TGM6: variants seen among roughly 807,000 people sequenced by gnomAD.
TGM6 encodes protein-glutamine gamma-glutamyltransferase 6.
Under a neutral mutation model 77.5 loss-of-function variants are expected in TGM6, and 74 were observed. That is an observed-to-expected ratio of 0.96 (90% CI 0.79 to 1.16). TGM6 has a LOEUF of 1.16. Ranked by LOEUF, TGM6 falls within the 50% of genes most tolerant of loss-of-function variation. TGM6 has a pLI of 0.00. For missense variants in TGM6, 968 were observed against 940.2 expected (o/e 1.03, Z -0.39); for synonymous variants, 383 against 378.9 (o/e 1.01, Z -0.12).
intron 12 of TGM6, 102 bp from the exon 13 acceptor site, chr20:2,432,388 T>G: frequency 6.9e-7 from 1 of 1,455,422 alleles, no homozygotes; most frequent in Non-Finnish European, 9.6e-7. Flanking sequence ...AGCCACAAGG[T>G]GAACTTGATC....
chr20:2,417,676 A>ATGTCCCCTTCCTTCCTG, intron 10 of TGM6, 103 bp downstream of exon 10: 1 of 1,295,414 alleles, frequency 7.7e-7, no homozygotes, highest in Non-Finnish European at 1.1e-6. Context: ...ATCCCCAGGA[A>ATGTCCCCTTCCTTCCTG]GGAAGGGGAC....
chr20:2,416,505 T>G (rs959913811), intron 9 of TGM6, among the ~76,000 whole-genome samples: 1 of 152,234 alleles, frequency 6.6e-6, no homozygotes, highest in African/African-American at 2.4e-5. Context: ...TGTAATCATA[T>G]TTATACTCAG....
At chr20:2,420,070 C>A (rs904017102) in intron 10 of TGM6, among the ~76,000 whole-genome samples, 4 of 152,050 alleles carry the variant, frequency 2.6e-5, no homozygotes, top group Non-Finnish European at 4.4e-5. Flanking sequence ...CAGTGAAACC[C>A]CATCTCTACT....
rs192802751 is a variant in TGM6 at position 2,430,864 on chromosome 20, G to A, written c.1834-30G>A. 912 of 1,614,118 alleles carry A rather than the reference G, an allele frequency of 5.7e-4. 1 individual carries two copies. Among genetic ancestry groups the A allele is most frequent in the Middle Eastern group, 2.5e-3 (15 of 6,062 alleles). On this transcript the variant is annotated intron_variant, in intron 11 of 12. Coordinates refer to ENST00000202625, the MANE Select transcript of TGM6 (RefSeq NM_198994.3). ...TTTCCTGGAGGGAGGAGGGGTAGGC[G>A]CGATGGCTCATGGGTGTTGTCCCCT... is the stretch of plus-strand genomic sequence containing the variant.
At chr20:2,395,528 A>G in intron 3 of TGM6, 92 bp downstream of exon 3, 1 of 1,607,108 alleles carries the variant, frequency 6.2e-7, no homozygotes, top group Non-Finnish European at 8.5e-7. Context: ...GGTGGGTTAA[A>G]GGACAAGAAG....
chr20:2,396,124 G>A (rs938544414), intron 3 of TGM6, among the ~76,000 whole-genome samples: 7 of 149,876 alleles, frequency 4.7e-5, no homozygotes, highest in Admixed American at 1.3e-4. Flanking sequence ...AGGTTGCAGT[G>A]AGCCAAGATT....
intron 9 of TGM6, among the ~76,000 whole-genome samples, chr20:2,416,614 T>C (rs1168785647): frequency 6.6e-6 from 1 of 152,224 alleles, no homozygotes; most frequent in African/African-American, 2.4e-5. Flanking sequence ...TAGTAAGTTC[T>C]GGGTGTTGCC....
chr20:2,427,603 C>T (rs2084896375), intron 10 of TGM6, among the ~76,000 whole-genome samples: 1 of 152,012 alleles, frequency 6.6e-6, no homozygotes. Flanking sequence ...ACGTGTTCTC[C>T]TTTTTATAGT....
At chr20:2,404,206 A>G (rs1026956832) in intron 9 of TGM6, among the ~76,000 whole-genome samples, 1 of 152,232 alleles carries the variant, frequency 6.6e-6, no homozygotes, top group African/African-American at 2.4e-5. Context: ...CACAGGCCCA[A>G]TTCAGACTAA....
chr20:2,430,871 C>G (rs770101150), intron 11 of TGM6, 23 bp from the exon 12 acceptor site: 2 of 1,614,118 alleles, frequency 1.2e-6, no homozygotes, highest in Admixed American at 3.3e-5. Flanking sequence ...GGCGCGATGG[C>G]TCATGGGTGT....
chr20:2,395,196 C>A lies in TGM6; in HGVS notation c.184C>A (p.Pro62Thr). 6.2e-7 allele frequency: 1 copy of A among 1,613,074 alleles called. No individual in the cohort carries two copies. The highest frequency in any genetic ancestry group is 1.1e-5 in the South Asian group (1 of 91,046). Residue 62 changes from proline to threonine, a missense_variant and splice_region_variant, in exon 3 of 13, where the codon CCC becomes ACC. Pro to Thr is a conservative substitution (Grantham distance 38, BLOSUM62 -1). Coordinates refer to ENST00000202625, the MANE Select transcript of TGM6 (RefSeq NM_198994.3). ...TGATTCCCTCTCCTCTCCTCCAGGA[C>A]CCCGGGCTTCTGAGGCCCTCCACAC... ...EILIFTMETG[P>T]RASEALHTKA... is the part of the protein sequence containing the mutation.
chr20:2,388,140 T>A (rs2084608181), intron 1 of TGM6, among the ~76,000 whole-genome samples: 1 of 152,170 alleles, frequency 6.6e-6, no homozygotes, highest in Non-Finnish European at 1.5e-5. Flanking sequence ...ACTTCTGCAA[T>A]GAGAGGAGTA....
intron 12 of TGM6, among the ~76,000 whole-genome samples, chr20:2,431,735 T>C (rs2084925240): frequency 2.0e-5 from 3 of 152,186 alleles, no homozygotes; most frequent in Non-Finnish European, 4.4e-5. Flanking sequence ...CCAGTGGAGC[T>C]GGTGTTTGAG....
chr20:2,428,798 T>C (rs1361555073), intron 10 of TGM6, among the ~76,000 whole-genome samples: 1 of 152,070 alleles, frequency 6.6e-6, no homozygotes, highest in African/African-American at 2.4e-5. Flanking sequence ...TTTAATCCCT[T>C]AGTAAAACTT....
chr20:2,399,674 C>T lies in TGM6; in HGVS notation c.786C>T (p.Leu262=). ...RGSVAILQKW[L]KGRYKPVKYG... ...GCGTGGCCATTCTGCAGAAGTGGCT[C>T]AAGGGCAGGTACAAGCCAGTCAAGT... The change falls in exon 6 of 13, where the codon CTC becomes CTT. Residue 262 remains leucine, a synonymous_variant. Coordinates refer to ENST00000202625, the MANE Select transcript of TGM6 (RefSeq NM_198994.3). The T allele has an allele frequency of 3.1e-6, 5 of 1,613,914 alleles. No individual in the cohort carries two copies. Among genetic ancestry groups the T allele is most frequent in the East Asian group, 2.2e-5 (1 of 44,868 alleles).
chr20:2,427,641 G>T (rs1411600710), intron 10 of TGM6, among the ~76,000 whole-genome samples: 1 of 152,068 alleles, frequency 6.6e-6, no homozygotes. Flanking sequence ...TAGATTATTG[G>T]ATTTAGATCC....
intron 10 of TGM6, among the ~76,000 whole-genome samples, chr20:2,420,303 A>T (rs2084847665): frequency 6.6e-6 from 1 of 152,144 alleles, no homozygotes; most frequent in Non-Finnish European, 1.5e-5. Flanking sequence ...CTATTAAAAC[A>T]TATAATTTAT....
chr20:2,431,405 T>A (rs1397416015), intron 12 of TGM6, among the ~76,000 whole-genome samples: 1 of 152,254 alleles, frequency 6.6e-6, no homozygotes, highest in Admixed American at 6.5e-5. Flanking sequence ...CATTTATGCT[T>A]CACTCATTCA....
chr20:2,407,338 G>T (rs2084758962), intron 9 of TGM6, among the ~76,000 whole-genome samples: 1 of 152,168 alleles, frequency 6.6e-6, no homozygotes, highest in Admixed American at 6.5e-5. Flanking sequence ...CATTTTATGA[G>T]CCAGGCATGG....
Sources: gnomAD v4.1 joint callset for allele counts (sites outside exome capture counted in the v4.1 genomes callset) on GRCh38, gnomAD v4.1.1 for gene constraint, MANE v1.5 for transcripts, NCBI Gene and HGNC (gene_info 2026-07-23, HGNC 2026-07-21) for gene names.